TTC3: variants seen among roughly 807,000 people sequenced by gnomAD.
The protein encoded by TTC3 is tetratricopeptide repeat domain 3.
TTC3 carries 180 observed loss-of-function variants against 249.6 expected under a neutral mutation model. That is an observed-to-expected ratio of 0.72 (90% confidence interval 0.64 to 0.82). TTC3 has a LOEUF of 0.82. Among genes scored for constraint, TTC3 ranks in the 40% least tolerant of loss-of-function variants. The pLI, the probability that TTC3 is intolerant of heterozygous loss-of-function variation, is 0.00. For synonymous variants in TTC3, 717 were observed against 805.0 expected (o/e 0.89, Z 1.85); for missense variants, 2,061 against 2,398.4 (o/e 0.86, Z 2.94).
At chr21:37,148,792 T>C (rs763873621) in intron 23 of TTC3, 145 bp downstream of exon 23, 5 of 597,506 alleles carry the variant, frequency 8.4e-6, no homozygotes, top group Non-Finnish European at 8.4e-6. Flanking sequence ...ATCAAATTTG[T>C]TTTTATTTGG....
chr21:37,142,195 T>C (rs561094696), intron 20 of TTC3, among the ~76,000 whole-genome samples: 337 of 152,202 alleles, frequency 2.2e-3, no homozygotes, highest in African/African-American at 7.8e-3. Flanking sequence ...TGGCACAAGA[T>C]AGGGATGCCC....
In TTC3 at chr21:37,201,542, A is replaced by G. The variant is rs748373112; in HGVS notation, c.6046A>G (p.Asn2016Asp). 11 of 1,613,906 alleles carry G rather than the reference A, an allele frequency of 6.8e-6. No individual in the cohort carries two copies. In the East Asian group the frequency reaches 2.5e-4, roughly 36 times the overall value. ...TTCTGGAAGAGGCTGGCCCAGTCAG[A>G]ATCAGGAGCTGCCTTCCTGCTCTTC... Residue 2016 changes from asparagine to aspartate, a missense_variant, in exon 46 of 46, where the codon AAT becomes GAT. Around this residue, in one of 3 missense-constraint regions of TTC3, gnomAD observed 1,040 missense variants for 1,186.1 expected, o/e 0.88. Coordinates refer to ENST00000355666, the Ensembl canonical transcript of TTC3.
At chr21:37,199,025 G>A (rs1236244147) in intron 44 of TTC3, among the ~76,000 whole-genome samples, 1 of 152,140 alleles carries the variant, frequency 6.6e-6, no homozygotes, top group Non-Finnish European at 1.5e-5. Flanking sequence ...CCCCGGTCTG[G>A]CACTTCCTCT....
intron 21 of TTC3, among the ~76,000 whole-genome samples, chr21:37,146,359 C>T (rs2078980842): frequency 6.6e-6 from 1 of 151,772 alleles, no homozygotes; most frequent in Non-Finnish European, 1.5e-5. Context: ...CGAAACCCAT[C>T]AATACAAAAA....
chr21:37,192,229 CTTTT>C lies in TTC3; in HGVS notation c.5217+27_5217+30del. ...CTGTAACACGGTAAGTCTAGCACAT[CTTTT>C]TTTTTTTTTTAAACCATAATTCATT... On this transcript the variant is annotated intron_variant, in intron 41 of 45. Coordinates refer to ENST00000355666, the Ensembl canonical transcript of TTC3. 1.2e-5 allele frequency: 15 copies of C among 1,219,400 alleles called. No individual in the cohort carries two copies. The highest frequency in any genetic ancestry group is 2.7e-5 in the East Asian group (1 of 37,148). 75.5% of individuals were successfully genotyped at this position (1,219,400 alleles called of 1,614,324 possible). A position where few individuals can be genotyped will look rare whatever the true frequency, so the allele number is the denominator to read the frequency against.
At chr21:37,078,176 T>A (rs1181425557) in intron 1 of TTC3, among the ~76,000 whole-genome samples, 3 of 152,194 alleles carry the variant, frequency 2.0e-5, no homozygotes, top group African/African-American at 7.2e-5. Flanking sequence ...TGTTTTTGGC[T>A]TGCCTTTCTG....
chr21:37,090,484 C>A, intron 6 of TTC3, 198 bp downstream of exon 6: 1 of 667,552 alleles, frequency 1.5e-6, no homozygotes, highest in Non-Finnish European at 1.8e-6. Flanking sequence ...TTTTTTTTAC[C>A]CATGTACATA....
At chr21:37,113,743 A>G (rs1297882913) in intron 11 of TTC3, among the ~76,000 whole-genome samples, 1 of 152,230 alleles carries the variant, frequency 6.6e-6, no homozygotes, top group Non-Finnish European at 1.5e-5. Context: ...ATCCTAAGCC[A>G]AAAGAACAAA....
intron 17 of TTC3, 93 bp from the exon 18 acceptor site, chr21:37,135,287 T>C: frequency 7.5e-7 from 1 of 1,327,838 alleles, no homozygotes. Flanking sequence ...ATTTTATCAT[T>C]AGTTATAAAA....
intron 28 of TTC3, chr21:37,157,202 A>T: frequency 1.5e-6 from 2 of 1,342,896 alleles, no homozygotes; most frequent in Non-Finnish European, 2.0e-6. Flanking sequence ...TGTTACACTG[A>T]CAGAATCTAT....
chr21:37,110,953 C>T (rs1227513569), intron 11 of TTC3, among the ~76,000 whole-genome samples: 2 of 152,144 alleles, frequency 1.3e-5, no homozygotes, highest in Non-Finnish European at 2.9e-5. Flanking sequence ...TCCAGCCAAA[C>T]TAAGCTTCAT....
chr21:37,143,651 TAA>T (rs2078706846), intron 20 of TTC3, among the ~76,000 whole-genome samples: 1 of 151,262 alleles, frequency 6.6e-6, no homozygotes, highest in Admixed American at 6.6e-5. Flanking sequence ...GGTGGGACTG[TAA>T]ACTAGTTCAA....
At chr21:37,156,463 T>G (rs1194562127) in intron 27 of TTC3, among the ~76,000 whole-genome samples, 192 bp from the exon 28 acceptor site, 1 of 152,212 alleles carries the variant, frequency 6.6e-6, no homozygotes, top group Non-Finnish European at 1.5e-5. Context: ...TTATTATAAT[T>G]AGCCTAACAA....
exon 4 of TTC3, chr21:37,088,260 C>T (rs2072775510): frequency 6.2e-7 from 1 of 1,613,242 alleles, no homozygotes; most frequent in Non-Finnish European, 8.5e-7. Context: ...ATTGCGATGC[C>T]ATTAAAATAA....
At chr21:37,079,786 G>T (rs1006145951) in intron 1 of TTC3, among the ~76,000 whole-genome samples, 1 of 151,734 alleles carries the variant, frequency 6.6e-6, no homozygotes, top group South Asian at 2.1e-4. Context: ...TGCCCACCTC[G>T]GCCTCCCAAA....
chr21:37,158,906 C>A (rs1214507538), intron 28 of TTC3, among the ~76,000 whole-genome samples: 1 of 151,374 alleles, frequency 6.6e-6, no homozygotes, highest in Admixed American at 6.6e-5. Flanking sequence ...CACAGTTAGA[C>A]CACTATAGTA....
chr21:37,166,953 C>G (rs1419791025), intron 33 of TTC3, among the ~76,000 whole-genome samples: 2 of 152,154 alleles, frequency 1.3e-5, no homozygotes, highest in East Asian at 3.9e-4. Context: ...AGTTCAAGTG[C>G]TAGCTGGAAG....
intron 36 of TTC3, among the ~76,000 whole-genome samples, chr21:37,185,120 C>T (rs772431473): frequency 3.9e-5 from 6 of 152,108 alleles, no homozygotes; most frequent in East Asian, 1.9e-4. Context: ...TAGAAACAAG[C>T]GGCTTTAGTA....
intron 41 of TTC3, chr21:37,194,913 G>A (rs1431917953): frequency 2.6e-5 from 4 of 152,284 alleles, no homozygotes; most frequent in Non-Finnish European, 5.9e-5. Context: ...GCATGGCAGT[G>A]GGGGTGGAGG....
Sources: gnomAD v4.1 joint callset for allele counts (sites outside exome capture counted in the v4.1 genomes callset) on GRCh38, gnomAD v4.1.1 for gene constraint, gnomAD v4.1.1 regional missense constraint, MANE v1.5 for transcripts, NCBI Gene and HGNC (gene_info 2026-07-23, HGNC 2026-07-21) for gene names.